The following UBE3A variants were observed in gnomAD, a reference collection of about 807,000 sequenced individuals.
UBE3A encodes ubiquitin-protein ligase E3A.
In UBE3A, 6 loss-of-function variants were observed where a neutral mutation model predicts 83.4. That is an observed-to-expected ratio of 0.07 (90% CI 0.04 to 0.14). The LOEUF is 0.14. Ranked by LOEUF, UBE3A falls within the 10% of genes least tolerant of loss-of-function variation. The pLI is 1.00. For missense variants in UBE3A, 456 were observed against 1,036.1 expected (o/e 0.44, Z 7.69); for synonymous variants, 337 against 355.4 (o/e 0.95, Z 0.58).
chr15:25,427,631 A>AAAAAACC (rs1311491781), intron 1 of UBE3A, among the ~76,000 whole-genome samples: 1 of 115,254 alleles, frequency 8.7e-6, no homozygotes, highest in Non-Finnish European at 1.9e-5. Flanking sequence ...AAAAAAAAAA[A>AAAAAACC]CCCACAAAAC....
intron 7 of UBE3A, among the ~76,000 whole-genome samples, chr15:25,357,950 G>A (rs540241611): frequency 2.3e-5 from 3 of 128,076 alleles, no homozygotes; most frequent in African/African-American, 9.1e-5. Context: ...TGTCGCCCAA[G>A]CTGGAGTGCA....
At chr15:25,406,979 G>T in intron 3 of UBE3A, 2 of 818,166 alleles carry the variant, frequency 2.4e-6, no homozygotes, top group Admixed American at 3.7e-5. Flanking sequence ...GCATGCTGGA[G>T]GTGGCAGTGA....
chr15:25,383,384 C>A (rs2082543224), intron 4 of UBE3A, among the ~76,000 whole-genome samples: 1 of 152,124 alleles, frequency 6.6e-6, no homozygotes, highest in South Asian at 2.1e-4. Flanking sequence ...TGCCTGTAAT[C>A]CCAGCACTTT....
intron 4 of UBE3A, among the ~76,000 whole-genome samples, chr15:25,395,503 G>A (rs1459956513): frequency 1.3e-5 from 2 of 152,176 alleles, no homozygotes; most frequent in South Asian, 2.1e-4. Flanking sequence ...AATAATTTGA[G>A]TATGTGACAT....
At chr15:25,414,249 CCTCA>C (rs1029789557) in intron 1 of UBE3A, among the ~76,000 whole-genome samples, 1 of 152,110 alleles carries the variant, frequency 6.6e-6, no homozygotes, top group African/African-American at 2.4e-5. Flanking sequence ...ACTTTCTCCC[CCTCA>C]TTTTTATTTG....
chr15:25,347,755 G>T (rs2075913210), intron 11 of UBE3A, among the ~76,000 whole-genome samples: 1 of 149,680 alleles, frequency 6.7e-6, no homozygotes, highest in Admixed American at 6.7e-5. Context: ...TAAATCAAGG[G>T]TCTTAAAAAT....
At chr15:25,408,310 G>A in intron 3 of UBE3A, 2 of 409,712 alleles carry the variant, frequency 4.9e-6, no homozygotes, top group Middle Eastern at 7.2e-4. Flanking sequence ...TTCTTTTACT[G>A]CCAAGTTGCT....
chr15:25,430,648 C>T (rs74006415), intron 1 of UBE3A, among the ~76,000 whole-genome samples: 7,053 of 151,882 alleles, frequency 0.046, 206 homozygotes, highest in African/African-American at 0.065. Context: ...TAAAAGTAGG[C>T]CTGAAAGAAC....
At chr15:25,409,807 C>T (rs755439323) in intron 2 of UBE3A, among the ~76,000 whole-genome samples, 44 of 152,282 alleles carry the variant, frequency 2.9e-4, no homozygotes, top group Admixed American at 1.9e-3. Context: ...AGGGCAACTG[C>T]TTAATGGAAT....
rs549788001 is a variant in UBE3A at position 25,339,071 on chromosome 15, A to G, written c.*66T>C. The G allele has an allele frequency of 1.4e-6, 2 of 1,458,456 alleles. No individual in the cohort carries two copies. Among genetic ancestry groups the G allele is most frequent in the Non-Finnish European group, 1.8e-6 (2 of 1,108,496 alleles). 90.3% of individuals were successfully genotyped at this position (1,458,456 alleles called of 1,614,324 possible). On this transcript the variant is annotated 3_prime_UTR_variant, in exon 13 of 13. Coordinates refer to ENST00000648336, the MANE Select transcript of UBE3A (RefSeq NM_130839.5). Reference sequence around the variant, plus strand: ...AAAATTTATCCCTCGTTATATTTTTAAAATTTTTTAAATTTTTTCTTTTTT... The same window carrying G: ...AAAATTTATCCCTCGTTATATTTTTGAAATTTTTTAAATTTTTTCTTTTTT...
At chr15:25,375,874 G>T in intron 4 of UBE3A, 111 bp from the exon 5 acceptor site, 2 of 1,212,842 alleles carry the variant, frequency 1.6e-6, no homozygotes, top group Non-Finnish European at 2.4e-6. Flanking sequence ...ATTAACCTGT[G>T]TATGAAGATG....
chr15:25,348,647 A>G (rs932331339), intron 11 of UBE3A, among the ~76,000 whole-genome samples: 9 of 152,220 alleles, frequency 5.9e-5, no homozygotes, highest in Non-Finnish European at 1.3e-4. Context: ...AGATCAATAT[A>G]TAAAAATCGA....
intron 6 of UBE3A, among the ~76,000 whole-genome samples, chr15:25,367,206 T>TAAATATGTAATATTTAC: frequency 1.0e-5 from 1 of 95,270 alleles, no homozygotes; most frequent in South Asian, 2.7e-4. Flanking sequence ...TACATATTTG[T>TAAATATGTAATATTTAC]AAATATGTAA....
At chr15:25,372,262 G>A (rs924602817) in intron 5 of UBE3A, among the ~76,000 whole-genome samples, 1 of 152,020 alleles carries the variant, frequency 6.6e-6, no homozygotes, top group Admixed American at 6.6e-5. Context: ...AGACTAAGAA[G>A]GCAAGGTCTT....
intron 1 of UBE3A, among the ~76,000 whole-genome samples, chr15:25,414,374 G>A (rs951256563): frequency 2.6e-5 from 4 of 152,148 alleles, no homozygotes; most frequent in African/African-American, 7.2e-5. Context: ...TGAAGATGCA[G>A]AGGTAGAAAA....
chr15:25,407,274 G>A (rs907705964), intron 3 of UBE3A: 27 of 1,061,398 alleles, frequency 2.5e-5, no homozygotes, highest in Non-Finnish European at 3.0e-5. Context: ...TGAGGGAAGA[G>A]AGGCAGATTA....
chr15:25,411,730 T>C (rs1217181015), intron 2 of UBE3A, among the ~76,000 whole-genome samples, 178 bp downstream of exon 2: 1 of 152,216 alleles, frequency 6.6e-6, no homozygotes, highest in African/African-American at 2.4e-5. Context: ...TAATCTCTTG[T>C]AAATTTTTTC....
intron 4 of UBE3A, among the ~76,000 whole-genome samples, chr15:25,404,200 T>C (rs2087879035): frequency 1.3e-5 from 2 of 152,168 alleles, no homozygotes; most frequent in Non-Finnish European, 1.5e-5. Context: ...ATTCACAATA[T>C]ATACCGGCAT....
chr15:25,380,685 CA>C (rs1338594892), intron 4 of UBE3A, among the ~76,000 whole-genome samples: 5 of 152,132 alleles, frequency 3.3e-5, no homozygotes, highest in African/African-American at 1.2e-4. Context: ...TGTTCATAAT[CA>C]AAATTCCTAG....
Sources: allele counts gnomAD v4.1 joint callset (sites outside exome capture counted in the v4.1 genomes callset), GRCh38; gene constraint gnomAD v4.1.1; transcripts MANE v1.5; gene names NCBI Gene and HGNC (gene_info 2026-07-23, HGNC 2026-07-21).